TET3: variants seen among roughly 807,000 people sequenced by gnomAD.
TET3 encodes the protein tet methylcytosine dioxygenase 3.
Under a neutral mutation model 141.4 loss-of-function variants are expected in TET3, and 19 were observed. That is an observed-to-expected ratio of 0.13 (90% CI 0.09 to 0.20). The LOEUF is 0.20. TET3 is among the 10% of genes least tolerant of loss of function. TET3 has a pLI of 1.00. For missense variants in TET3, 1,874 were observed against 2,356.9 expected (o/e 0.80, Z 4.24); for synonymous variants, 1,043 against 980.9 (o/e 1.06, Z -1.18).
chr2:74,130,589 G>A, the TET3 span: 1 of 152,220 alleles, frequency 6.6e-6, no homozygotes, highest in Non-Finnish European at 1.5e-5. Context: ...GCAGAGTCGT[G>A]GCGAGGAAGC....
rs1179963016 is a variant in TET3 at position 74,099,600 on chromosome 2, A to T, written c.3592A>T (p.Thr1198Ser). The change falls in exon 11 of 12, where the codon ACG (threonine) becomes TCG (serine). Residue 1198 changes from threonine (T) to serine (S), a missense_variant. Around this residue, in one of 10 missense-constraint regions of TET3, gnomAD observed 602 missense variants for 590.2 expected, o/e 1.02. Coordinates refer to ENST00000409262, the MANE Select transcript of TET3 (RefSeq NM_001287491.2). ...KQEALELAGI[T>S]SDPGLSLKGG... The stretch of plus-strand genomic sequence containing the variant: ...GGAGGCCCTGGAGCTGGCGGGCATT[A>T]CGTCGGACCCAGGTGTGTGGGGGGA... The T allele has an allele frequency of 6.3e-7, 1 of 1,577,854 alleles. No individual in the cohort carries two copies. Among genetic ancestry groups the T allele is most frequent in the Admixed American group, 1.8e-5 (1 of 55,550 alleles).
intron 4 of TET3, among the ~76,000 whole-genome samples, chr2:74,061,567 C>T (rs573666084): frequency 5.4e-5 from 8 of 147,866 alleles, no homozygotes; most frequent in South Asian, 2.2e-4. Flanking sequence ...CCTCACCTCC[C>T]GGACGGGGCG....
At position 74,086,379 on chromosome 2, in the gene TET3, T is replaced by TAA. The variant is rs879469992; in HGVS notation, c.2680-1439_2680-1438dup. ...GCAGTGGATGCCCAGGGCTCTCGCT[T>TAA]AAAAAAAAAAAAAGTAGCTTTATTG... On this transcript the variant is annotated intron_variant, in intron 6 of 11. Coordinates refer to ENST00000409262, the MANE Select transcript of TET3 (RefSeq NM_001287491.2). 3.4e-4 allele frequency among the ~76,000 whole-genome samples: 49 copies of TAA among 145,538 alleles called. 1 individual carries two copies. The East Asian group carries it at 4.0e-3, about 12-fold the overall frequency.
Position 74,102,468 on chromosome 2 carries a change from G to C in TET3, c.*292G>C. On this transcript the variant is annotated 3_prime_UTR_variant, in exon 12 of 12. Coordinates refer to ENST00000409262, the MANE Select transcript of TET3 (RefSeq NM_001287491.2). ...AGTTGTCCCCCCCCCTTGTCTGGGG[G>C]GTTTTTATTTTTATTTTCTCTTTGT... 3.8e-6 allele frequency: 1 copy of C among 261,740 alleles called. No individual in the cohort carries two copies. The highest frequency in any genetic ancestry group is 7.1e-6 in the Non-Finnish European group (1 of 141,244). 16.2% of individuals were successfully genotyped at this position (261,740 alleles called of 1,614,324 possible).
intron 6 of TET3, 61 bp downstream of exon 6, chr2:74,080,652 C>A: frequency 7.1e-7 from 1 of 1,418,058 alleles, no homozygotes; most frequent in South Asian, 1.2e-5. Flanking sequence ...TGCATGGCCA[C>A]GGCTGTGCCT....
rs78389468 is a variant in TET3 at position 74,087,740 on chromosome 2, C to T, written c.2680-90C>T. The T allele has an allele frequency of 1.0e-4, 134 of 1,339,844 alleles. 1 individual carries two copies. In the East Asian group the frequency reaches 3.3e-3, roughly 33 times the overall value. 83.0% of individuals were successfully genotyped at this position (1,339,844 alleles called of 1,614,324 possible). ...TAGAACCCTGCCGTTAAGACCTGCA[C>T]CCTGGGTCTGTGTGACAAAGGGAGG... is the stretch of plus-strand genomic sequence containing the variant. On this transcript the variant is annotated intron_variant, in intron 6 of 11. Transcript: ENST00000409262. The surrounding 1 kb of genome is among the most constrained non-coding windows in gnomAD (Gnocchi z 4.3).
Position 74,107,322 on chromosome 2 carries a change from A to AGAATCAGCGAGCGATTTGGCCTACTTCC in TET3, c.*5147_*5174dup, listed in dbSNP as rs1229175971. ...AAGGTCTAAAGTTGCTTTTTGCCTA[A>AGAATCAGCGAGCGATTTGGCCTACTTCC]GAATCAGCGAGCGATTTGGCCTACT... On this transcript the variant is annotated 3_prime_UTR_variant, in exon 12 of 12. Coordinates refer to ENST00000409262, the MANE Select transcript of TET3 (RefSeq NM_001287491.2). 6.6e-6 allele frequency: 1 copy of AGAATCAGCGAGCGATTTGGCCTACTTCC among 152,258 alleles called. No individual in the cohort carries two copies. The highest frequency in any genetic ancestry group is 1.9e-4 in the East Asian group (1 of 5,198). The allele number at this position is 152,258 out of a possible 1,614,324, so 9.4% of individuals were successfully genotyped here.
intron 3 of TET3, among the ~76,000 whole-genome samples, chr2:74,039,326 G>C (rs911753728): frequency 2.0e-5 from 3 of 152,116 alleles, no homozygotes; most frequent in African/African-American, 7.2e-5. Flanking sequence ...GCCTCTCTGA[G>C]ATTTCTTTGA....
intron 2 of TET3, among the ~76,000 whole-genome samples, chr2:73,987,012 ATGT>A (rs1163229107): frequency 1.3e-5 from 2 of 152,092 alleles, no homozygotes; most frequent in African/African-American, 4.8e-5. Flanking sequence ...GAAGCCTCAG[ATGT>A]TGTATTTCAA....
chr2:74,119,112 T>C, the TET3 span, among the ~76,000 whole-genome samples: 4 of 152,166 alleles, frequency 2.6e-5, no homozygotes, highest in Non-Finnish European at 5.9e-5. Context: ...TCCCAGCACT[T>C]TGGGAGGCTG....
At chr2:73,985,338 C>CG (rs1241349749) in intron 1 of TET3, among the ~76,000 whole-genome samples, 181 bp downstream of exon 1, 1 of 2,360 alleles carries the variant, frequency 4.2e-4, no homozygotes, top group Non-Finnish European at 9.2e-4. Context: ...GCGGGGGTGG[C>CG]GGGGCGGGGG....
At position 74,046,819 on chromosome 2, in the gene TET3, G is replaced by A. The variant is rs373820359; in HGVS notation, c.902G>A (p.Arg301Gln). 9.3e-6 allele frequency: 15 copies of A among 1,613,124 alleles called. No individual in the cohort carries two copies. Among genetic ancestry groups the A allele is most frequent in the South Asian group, 3.3e-5 (3 of 91,084 alleles). Residue 301 changes from arginine to glutamine, a missense_variant, in exon 4 of 12, where the codon CGG becomes CAG. Arg to Gln is a conservative substitution (Grantham distance 43). Transcript: ENST00000409262. The surrounding 1 kb of genome is among the most constrained non-coding windows in gnomAD (Gnocchi z 4.3). ...GTGGTCATGGAAGGAGGGGAGGAGC[G>A]GCCCAGGCTCCCAGGGCCTCTGCCT... ...KSVVMEGGEE[R>Q]PRLPGPLPPG...
the TET3 span, among the ~76,000 whole-genome samples, chr2:74,118,176 T>C: frequency 6.6e-6 from 1 of 152,380 alleles, no homozygotes; most frequent in Middle Eastern, 3.4e-3. Flanking sequence ...AGTGATCTCT[T>C]GTGGTTTTCA....
rs963625844 is a variant in TET3, at chr2:74,107,932, T to C, written c.*5756T>C. ...ATTTTGTATAATTTTTACCTTTTTG[T>C]TAATATTTTTTCCTTCCACTTTATT... On this transcript the variant is annotated 3_prime_UTR_variant, in exon 12 of 12. Coordinates refer to ENST00000409262, the MANE Select transcript of TET3 (RefSeq NM_001287491.2). The C allele has an allele frequency of 6.5e-6, 1 of 153,086 alleles. No homozygotes were observed. The highest frequency in any genetic ancestry group is 6.5e-5 in the Admixed American group (1 of 15,280). The allele number at this position is 153,086 out of a possible 1,614,324, so 9.5% of individuals were successfully genotyped here.
intron 4 of TET3, among the ~76,000 whole-genome samples, chr2:74,058,882 G>A (rs1169671123): frequency 6.6e-6 from 1 of 152,162 alleles, no homozygotes; most frequent in Non-Finnish European, 1.5e-5. Flanking sequence ...AAAGTCAGTT[G>A]AAGAATAACA....
At chr2:74,018,854 G>T (rs1685876633) in intron 3 of TET3, among the ~76,000 whole-genome samples, 1 of 151,950 alleles carries the variant, frequency 6.6e-6, no homozygotes, top group Non-Finnish European at 1.5e-5. Context: ...AAACGTACAG[G>T]TTATTTTGGG....
chr2:74,060,393 A>G (rs1688437154), intron 4 of TET3, among the ~76,000 whole-genome samples: 1 of 152,108 alleles, frequency 6.6e-6, no homozygotes, highest in South Asian at 2.1e-4. Context: ...TTTTGGATAT[A>G]TGGGTTCTTA....
intron 3 of TET3, among the ~76,000 whole-genome samples, chr2:74,027,545 C>T (rs1038523949): frequency 1.3e-5 from 2 of 151,986 alleles, no homozygotes; most frequent in East Asian, 1.9e-4. Flanking sequence ...ACCCCCTCAG[C>T]CCCTGGCAAC....
At chr2:74,024,818 A>C (rs2105262018) in intron 3 of TET3, among the ~76,000 whole-genome samples, 1 of 152,364 alleles carries the variant, frequency 6.6e-6, no homozygotes, top group Non-Finnish European at 1.5e-5. Context: ...CAAAAGTTGC[A>C]GGAATAGTAC....
Sources: allele counts gnomAD v4.1 joint callset (sites outside exome capture counted in the v4.1 genomes callset), GRCh38; gene constraint gnomAD v4.1.1; regional missense constraint gnomAD v4.1.1; non-coding constraint Gnocchi (gnomAD v3.1); transcripts MANE v1.5; gene names NCBI Gene and HGNC (gene_info 2026-07-23, HGNC 2026-07-21).